PCDHA2: variants seen among roughly 807,000 people sequenced by gnomAD.
PCDHA2 encodes protocadherin alpha 2.
PCDHA2 carries 58 observed loss-of-function variants against 66.0 expected under a neutral mutation model. The ratio of observed to expected loss-of-function variants is 0.88; its 90% CI spans 0.71 to 1.09. PCDHA2 has a LOEUF of 1.09. Ranked by LOEUF, PCDHA2 falls within the 50% of genes least tolerant of loss-of-function variation. The pLI is 0.00. For synonymous variants in PCDHA2, 634 were observed against 554.0 expected (o/e 1.14, Z -2.03); for missense variants, 1,267 against 1,242.3 (o/e 1.02, Z -0.30).
intron 1 of PCDHA2, chr5:140,855,784 A>T: frequency 2.4e-6 from 1 of 425,516 alleles, no homozygotes; most frequent in Non-Finnish European, 4.2e-6. Flanking sequence ...TACGTAAAAA[A>T]AGAATTAACA....
intron 1 of PCDHA2, among the ~76,000 whole-genome samples, chr5:140,910,365 A>G (rs1554194228): frequency 6.6e-6 from 1 of 152,164 alleles, no homozygotes; most frequent in Non-Finnish European, 1.5e-5. Flanking sequence ...TATGGTAGCT[A>G]TGCCCACCTT....
intron 1 of PCDHA2, chr5:140,836,111 A>C: frequency 1.2e-6 from 2 of 1,613,698 alleles, no homozygotes; most frequent in South Asian, 2.2e-5. Flanking sequence ...CTGGTGGCGC[A>C]GTGAGAGAGC....
intron 1 of PCDHA2, chr5:140,829,383 G>A: frequency 3.7e-6 from 6 of 1,614,186 alleles, no homozygotes; most frequent in East Asian, 2.2e-5. Context: ...CGGGACGGGG[G>A]CTCGCCTTCG....
chr5:140,842,799 C>A, intron 1 of PCDHA2: 1 of 1,594,426 alleles, frequency 6.3e-7, no homozygotes, highest in Non-Finnish European at 8.6e-7. Flanking sequence ...GTGTCCTACT[C>A]GCTTGTGGAG....
intron 1 of PCDHA2, among the ~76,000 whole-genome samples, chr5:140,885,108 T>C (rs986059469): frequency 6.6e-6 from 1 of 152,226 alleles, no homozygotes; most frequent in Non-Finnish European, 1.5e-5. Flanking sequence ...AAATGCTTTT[T>C]TTAAGTGCAC....
chr5:140,824,621 T>TTG (rs1210454959), intron 1 of PCDHA2: 1 of 130,846 alleles, frequency 7.6e-6, no homozygotes, highest in Non-Finnish European at 1.6e-5. Context: ...TTTTTTTTTT[T>TTG]TTTTTTTTTT....
At chr5:140,820,544 A>T (rs1260272313) in intron 1 of PCDHA2, among the ~76,000 whole-genome samples, 4 of 152,008 alleles carry the variant, frequency 2.6e-5, no homozygotes, top group African/African-American at 7.2e-5. Flanking sequence ...TTCAATAGAA[A>T]ACTTGGTGAT....
rs781787997 is a variant in PCDHA2, at chr5:140,796,280, C to T, written c.1316C>T (p.Thr439Ile). Residue 439 changes from threonine (T) to isoleucine (I), a missense_variant, in exon 1 of 4, where the codon ACC (threonine) becomes ATC (isoleucine). Thr to Ile is a moderately conservative substitution (Grantham distance 89). Transcript: ENST00000526136. ...DGGSPSLWAT[T>I]SVSIEVADVN... ...GGCTCGCCTTCACTGTGGGCCACCA[C>T]CAGCGTGTCCATCGAGGTGGCCGAC... 7.4e-6 allele frequency: 12 copies of T among 1,614,126 alleles called. No homozygotes were observed. In the Admixed American group the frequency reaches 1.2e-4, roughly 16 times the overall value.
At chr5:140,849,200 C>A (rs2150432715) in intron 1 of PCDHA2, 44 of 1,040,882 alleles carry the variant, frequency 4.2e-5, no homozygotes, top group Non-Finnish European at 5.3e-5. Context: ...TACTGGACAA[C>A]AATGACAATG....
At chr5:140,876,668 C>T (rs2056489032) in intron 1 of PCDHA2, 1 of 1,614,198 alleles carries the variant, frequency 6.2e-7, no homozygotes, top group Non-Finnish European at 8.5e-7. Flanking sequence ...AAGCTGGTGT[C>T]CACCTACAAG....
In PCDHA2 at chr5:140,913,731, A is replaced by G. The variant is rs557158674; in HGVS notation, c.2389-65218A>G. ...CAATTACAGCTACAAATTTCCCTCT[A>G]ATAGTACTCCTTTTGTTGTATCTCA... On this transcript the variant is annotated intron_variant, in intron 1 of 3. Transcript: ENST00000526136. Among the ~76,000 whole-genome samples the G allele has an allele frequency of 1.8e-4, 27 of 152,194 alleles. No homozygotes were observed. The South Asian group carries it at 2.5e-3, about 14-fold the overall frequency.
At chr5:140,999,327 G>A (rs1554256745) in intron 3 of PCDHA2, among the ~76,000 whole-genome samples, 1 of 152,200 alleles carries the variant, frequency 6.6e-6, no homozygotes, top group Non-Finnish European at 1.5e-5. Context: ...ATTGATCTGT[G>A]TGATTTATAA....
At chr5:140,931,405 G>A (rs1395168165) in intron 1 of PCDHA2, among the ~76,000 whole-genome samples, 1 of 151,984 alleles carries the variant, frequency 6.6e-6, no homozygotes, top group South Asian at 2.1e-4. Flanking sequence ...CGATAGGAAG[G>A]CTGATGAATC....
chr5:140,801,105 C>T (rs1297198525), intron 1 of PCDHA2: 17 of 1,507,076 alleles, frequency 1.1e-5, no homozygotes, highest in African/African-American at 5.6e-5. Context: ...AAATTTAACA[C>T]CGAGGAGTTT....
At chr5:140,858,475 G>A in intron 1 of PCDHA2, 1 of 1,517,006 alleles carries the variant, frequency 6.6e-7, no homozygotes, top group Non-Finnish European at 9.0e-7. Flanking sequence ...TGTGCTTTAT[G>A]AATAATATTT....
intron 1 of PCDHA2, among the ~76,000 whole-genome samples, chr5:140,904,446 T>C (rs34807894): frequency 0.32 from 47,642 of 151,146 alleles, 7,868 homozygotes; most frequent in East Asian, 0.52. Context: ...TATTACAATT[T>C]CTTTATACAC....
At position 140,849,556 on chromosome 5, in the gene PCDHA2, C is replaced by G. The variant is rs2150440514; in HGVS notation, c.2388+52204C>G. On this transcript the variant is annotated intron_variant, in intron 1 of 3. Coordinates refer to ENST00000526136, the MANE Select transcript of PCDHA2 (RefSeq NM_018905.3). ...AATGCTCCACAGTTGACTATCAAAA[C>G]GCTCTCGGTTCCTGTAAAAGAGGAC... 3.1e-6 allele frequency: 5 copies of G among 1,598,518 alleles called. 1 individual carries two copies. In the Middle Eastern group the frequency reaches 5.0e-4, roughly 160 times the overall value.
chr5:140,796,992 C>G lies in PCDHA2; in HGVS notation c.2028C>G (p.Pro676=). ...CGTTGGTGGAAAGTGGCCAGGCACCCAAGGCCTCGTCGCGGGCGTGGGTGG... is the reference window on the plus strand; with the variant it reads ...CGTTGGTGGAAAGTGGCCAGGCACCGAAGGCCTCGTCGCGGGCGTGGGTGG... ...LVSLVESGQA[P]KASSRAWVGA... Residue 676 remains proline (P), a synonymous_variant, in exon 1 of 4, where the codon CCC becomes CCG. Transcript: ENST00000526136. 1 of 1,613,724 alleles carries G rather than the reference C, an allele frequency of 6.2e-7. No individual in the cohort carries two copies.
chr5:140,802,281 GACTCTCC>G, intron 1 of PCDHA2: 1 of 1,614,216 alleles, frequency 6.2e-7, no homozygotes, highest in Non-Finnish European at 8.5e-7. Context: ...TGTATTAGAA[GACTCTCC>G]ACTTAGCACA....
Sources: gnomAD v4.1 joint callset for allele counts (sites outside exome capture counted in the v4.1 genomes callset) on GRCh38, gnomAD v4.1.1 for gene constraint, MANE v1.5 for transcripts, NCBI Gene and HGNC (gene_info 2026-07-23, HGNC 2026-07-21) for gene names.